The following CHLSN variants were observed in gnomAD, a reference collection of about 807,000 sequenced individuals.
The protein encoded by CHLSN is protein cholesin.
the CHLSN span, among the ~76,000 whole-genome samples, chr7:1,066,376 G>T: frequency 0.48 from 73,293 of 152,166 alleles, 18,032 homozygotes; most frequent in Middle Eastern, 0.53. Flanking sequence ...GGGGCCCATC[G>T]TGGCCCACAG....
the CHLSN span, among the ~76,000 whole-genome samples, chr7:1,020,545 G>A: frequency 6.6e-5 from 10 of 152,310 alleles, no homozygotes; most frequent in Admixed American, 2.0e-4. Flanking sequence ...GGGCTGTAGC[G>A]GGTTGGGGAA....
chr7:1,098,558 C>T, the CHLSN span, among the ~76,000 whole-genome samples: 2 of 151,652 alleles, frequency 1.3e-5, no homozygotes, highest in Admixed American at 6.6e-5. Flanking sequence ...ACGCCACGCT[C>T]GGTGAGATAA....
chr7:1,119,871 C>A, the CHLSN span, among the ~76,000 whole-genome samples: 3 of 113,918 alleles, frequency 2.6e-5, no homozygotes, highest in African/African-American at 1.2e-4. Context: ...GAGCGAAACT[C>A]CGTCAAAAAA....
chr7:981,090 G>A, the CHLSN span, among the ~76,000 whole-genome samples: 1 of 151,018 alleles, frequency 6.6e-6, no homozygotes, highest in African/African-American at 2.4e-5. Flanking sequence ...GAGGTCAGGA[G>A]CTCGAGATCA....
At chr7:987,466 C>A in the CHLSN span, 2 of 1,565,074 alleles carry the variant, frequency 1.3e-6, no homozygotes, top group South Asian at 2.3e-5. Context: ...GTTCATCACG[C>A]TCCTGCCGCA....
At chr7:1,118,961 T>A in the CHLSN span, among the ~76,000 whole-genome samples, 6 of 150,948 alleles carry the variant, frequency 4.0e-5, no homozygotes, top group East Asian at 9.8e-4. Flanking sequence ...TAAAAAAAAA[T>A]AGGCTATTGT....
chr7:1,050,286 C>G, the CHLSN span, among the ~76,000 whole-genome samples: 2 of 152,244 alleles, frequency 1.3e-5, no homozygotes, highest in Non-Finnish European at 2.9e-5. Context: ...GCTGCACACA[C>G]TCAGGTTTAG....
the CHLSN span, among the ~76,000 whole-genome samples, chr7:1,002,314 TAGG>T: frequency 8.9e-6 from 1 of 112,548 alleles, no homozygotes; most frequent in Non-Finnish European, 1.8e-5. Flanking sequence ...GTCCTGTGGG[TAGG>T]GAATCCTGTG....
the CHLSN span, chr7:983,439 G>T: frequency 4.4e-6 from 6 of 1,372,896 alleles, no homozygotes; most frequent in Admixed American, 1.1e-4. Context: ...CCGTGTCCTG[G>T]CCCCCCTCCT....
the CHLSN span, among the ~76,000 whole-genome samples, chr7:1,060,797 G>A: frequency 6.6e-6 from 1 of 152,218 alleles, no homozygotes; most frequent in Non-Finnish European, 1.5e-5. Flanking sequence ...CTCTGGAGCC[G>A]GAGCTGGTGT....
the CHLSN span, chr7:1,092,602 G>A: frequency 8.7e-6 from 14 of 1,611,412 alleles, no homozygotes; most frequent in East Asian, 4.5e-5. Flanking sequence ...GCCTGGGGCC[G>A]CTCCCTGCAA....
chr7:1,096,293 C>T, the CHLSN span, among the ~76,000 whole-genome samples: 5 of 152,218 alleles, frequency 3.3e-5, no homozygotes, highest in African/African-American at 7.2e-5. The surrounding 1 kb of genome is among the most constrained non-coding windows in gnomAD (Gnocchi z 4.6). Context: ...AAGCTGGCGG[C>T]GGCACTGCTC....
chr7:1,008,211 C>G, the CHLSN span, among the ~76,000 whole-genome samples: 1 of 152,310 alleles, frequency 6.6e-6, no homozygotes, highest in African/African-American at 2.4e-5. Flanking sequence ...CTGGCACCTT[C>G]CAGGCCTGTG....
the CHLSN span, chr7:1,021,652 A>C: frequency 1.1e-6 from 1 of 889,260 alleles, no homozygotes; most frequent in Non-Finnish European, 1.3e-6. Context: ...CTGCCACCGC[A>C]GTGCCCTCTG....
chr7:984,443 T>C, the CHLSN span: 9 of 1,549,382 alleles, frequency 5.8e-6, no homozygotes, highest in Non-Finnish European at 7.0e-6. Flanking sequence ...GTGTTCACCG[T>C]GCACCTGGGG....
chr7:1,004,805 G>A, the CHLSN span, among the ~76,000 whole-genome samples: 5 of 152,234 alleles, frequency 3.3e-5, no homozygotes, highest in Non-Finnish European at 5.9e-5. Context: ...CAGCAGACAG[G>A]AGATCCCATC....
chr7:1,117,667 C>T, the CHLSN span, among the ~76,000 whole-genome samples: 2,344 of 147,846 alleles, frequency 0.016, 59 homozygotes, highest in African/African-American at 0.055. Flanking sequence ...CCATCACCGA[C>T]GCCCATGCAG....
the CHLSN span, among the ~76,000 whole-genome samples, chr7:1,065,621 C>G: frequency 7.2e-5 from 11 of 152,200 alleles, no homozygotes; most frequent in African/African-American, 2.7e-4. Flanking sequence ...CCCACCTCAC[C>G]AGCGACACAG....
the CHLSN span, chr7:1,024,782 G>A: frequency 6.6e-6 from 1 of 152,122 alleles, no homozygotes; most frequent in Non-Finnish European, 1.5e-5. Flanking sequence ...TCAGGTTTCT[G>A]AAAACAAAAA....
Sources: allele counts gnomAD v4.1 joint callset (sites outside exome capture counted in the v4.1 genomes callset), GRCh38; gene constraint gnomAD v4.1.1; non-coding constraint Gnocchi (gnomAD v3.1); transcripts MANE v1.5; gene names NCBI Gene and HGNC (gene_info 2026-07-23, HGNC 2026-07-21).